Variants in ATP2B4 observed in about 807,000 individuals in gnomAD.
ATP2B4 encodes the protein plasma membrane calcium-transporting ATPase 4.
In ATP2B4, 39 loss-of-function variants were observed where a neutral mutation model predicts 110.3. The observed-to-expected ratio is 0.35, with a 90% confidence interval of 0.27 to 0.46. The LOEUF is 0.46. Ranked by LOEUF, ATP2B4 falls within the 20% of genes least tolerant of loss-of-function variation. The pLI is 1.00. For missense variants in ATP2B4, 1,135 were observed against 1,530.9 expected (o/e 0.74, Z 4.32); for synonymous variants, 538 against 571.7 (o/e 0.94, Z 0.84).
intron 1 of ATP2B4, among the ~76,000 whole-genome samples, chr1:203,667,351 A>G (rs16852017): frequency 0.036 from 5,538 of 152,286 alleles, 201 homozygotes; most frequent in East Asian, 0.18. Flanking sequence ...CAAGTACATT[A>G]GCAAAGGAGC....
At position 203,720,827 on chromosome 1, in the gene ATP2B4, G is replaced by C. The variant is rs1472435853; in HGVS notation, c.2598+87G>C. 2.1e-6 allele frequency: 3 copies of C among 1,423,872 alleles called. 1 individual carries two copies. The highest frequency in any genetic ancestry group is 4.7e-4 in the Middle Eastern group (2 of 4,246). The allele number at this position is 1,423,872 out of a possible 1,614,324, so 88.2% of individuals were successfully genotyped here. A position where few individuals can be genotyped will look rare whatever the true frequency, so the allele number is the denominator to read the frequency against. ...TGAAGACTACGGTGTGTTTACTGAA[G>C]AGTAAAGACAGCGTTTCCCCATGAC... On this transcript the variant is annotated intron_variant, in intron 16 of 20. Transcript: ENST00000357681.
intron 1 of ATP2B4, among the ~76,000 whole-genome samples, chr1:203,669,539 C>T (rs770321221): frequency 2.1e-4 from 32 of 152,228 alleles, no homozygotes; most frequent in Middle Eastern, 3.4e-3. Flanking sequence ...CAGGTTCAAG[C>T]GATTCTCCTA....
At chr1:203,672,574 C>T (rs913254073) in intron 1 of ATP2B4, among the ~76,000 whole-genome samples, 125 of 152,066 alleles carry the variant, frequency 8.2e-4, no homozygotes, top group African/African-American at 2.8e-3. Flanking sequence ...AGTGGGCAGG[C>T]GCTCCCTGAG....
At position 203,722,494 on chromosome 1, in the gene ATP2B4, T is replaced by C. The variant is rs1185124007; in HGVS notation, c.2829T>C (p.Asp943=). 9.3e-6 allele frequency: 15 copies of C among 1,613,616 alleles called. No individual in the cohort carries two copies. Among genetic ancestry groups the C allele is most frequent in the Non-Finnish European group, 1.3e-5 (15 of 1,179,614 alleles). The part of the protein sequence containing the change: ...ILVFAGEKFF[D]IDSGRKAPLH... ...CCCCACTAGGTGAGAAATTCTTTGATATTGATAGTGGGAGGAAGGCACCTC... is the reference window on the plus strand; with the variant it reads ...CCCCACTAGGTGAGAAATTCTTTGACATTGATAGTGGGAGGAAGGCACCTC... The change falls in exon 18 of 21, where the codon GAT becomes GAC. Residue 943 remains aspartate, a synonymous_variant. Coordinates refer to ENST00000357681, the MANE Select transcript of ATP2B4 (RefSeq NM_001684.5).
At chr1:203,656,986 T>C in intron 1 of ATP2B4, 2 of 728,198 alleles carry the variant, frequency 2.7e-6, no homozygotes, top group South Asian at 1.4e-5. Flanking sequence ...TAAGACTGCA[T>C]TTATGCAGCC....
At chr1:203,678,497 A>G (rs1309986184) in intron 1 of ATP2B4, among the ~76,000 whole-genome samples, 10 of 144,122 alleles carry the variant, frequency 6.9e-5, no homozygotes, top group African/African-American at 2.3e-4. Context: ...TCCACCTCCC[A>G]GGCTCAAATG....
chr1:203,688,540 G>A lies in ATP2B4; in HGVS notation c.193+5142G>A, dbSNP rs188976778. Among the ~76,000 whole-genome samples, 103 of 151,940 alleles carry A rather than the reference G, an allele frequency of 6.8e-4. 1 individual carries two copies. The East Asian group carries it at 0.015, about 23-fold the overall frequency. ...TGGTCCTGAACTCCTGGCCTCAAGC[G>A]ATCTGCCCACCTTGGCCCCCCAAAG... On this transcript the variant is annotated intron_variant, in intron 2 of 20. Transcript: ENST00000357681.
intron 1 of ATP2B4, among the ~76,000 whole-genome samples, chr1:203,669,498 G>A (rs4951335): frequency 0.19 from 29,505 of 151,976 alleles, 3,943 homozygotes; most frequent in African/African-American, 0.36. Flanking sequence ...GTGCGATGGC[G>A]TGATCTCGGC....
At chr1:203,721,996 A>C (rs185967305) in intron 17 of ATP2B4, among the ~76,000 whole-genome samples, 94 of 152,126 alleles carry the variant, frequency 6.2e-4, no homozygotes, top group African/African-American at 2.2e-3. Flanking sequence ...AATTAACCTC[A>C]GGTCCCATAA....
At chr1:203,679,787 C>G (rs777438584) in intron 1 of ATP2B4, among the ~76,000 whole-genome samples, 3 of 152,068 alleles carry the variant, frequency 2.0e-5, no homozygotes, top group African/African-American at 4.8e-5. Context: ...GAGACTGAGG[C>G]AGGAGAATCA....
At chr1:203,697,023 T>C (rs752352829) in intron 2 of ATP2B4, among the ~76,000 whole-genome samples, 5 of 152,172 alleles carry the variant, frequency 3.3e-5, no homozygotes, top group Non-Finnish European at 5.9e-5. Flanking sequence ...GGCCCCACCT[T>C]TCTTGTTCTC....
chr1:203,730,556 T>C (rs908646012), intron 20 of ATP2B4, among the ~76,000 whole-genome samples: 1 of 152,214 alleles, frequency 6.6e-6, no homozygotes, highest in Non-Finnish European at 1.5e-5. Context: ...CCACTTCTAC[T>C]ATGTGATTTC....
Position 203,723,452 on chromosome 1 carries a change from CTCTCT to C in ATP2B4, c.3025-428_3025-424del, listed in dbSNP as rs1368571014. Reference sequence around the variant, plus strand: ...TCTCTCTCTCTCTCTCTCTCTCTCTCTCTCTCTCCCTCTGCCTCTCTCTCTCTCTC... The same window carrying C: ...TCTCTCTCTCTCTCTCTCTCTCTCTCCTCCCTCTGCCTCTCTCTCTCTCTC... On this transcript the variant is annotated intron_variant, in intron 18 of 20. Transcript: ENST00000357681. Among the ~76,000 whole-genome samples the C allele has an allele frequency of 7.5e-4, 104 of 138,654 alleles. 2 individuals are homozygous for C. The highest frequency in any genetic ancestry group is 2.7e-3 in the African/African-American group (98 of 35,890). The allele number at this position is 138,654 out of a possible 152,430, so 91.0% of individuals were successfully genotyped here. A position where few individuals can be genotyped will look rare whatever the true frequency, so the allele number is the denominator to read the frequency against.
chr1:203,709,257 C>T (rs1470486832), intron 10 of ATP2B4, 44 bp from the exon 11 acceptor site: 1 of 1,608,692 alleles, frequency 6.2e-7, no homozygotes, highest in Non-Finnish European at 8.5e-7. Flanking sequence ...TCTGCCTTGT[C>T]AAGGCATCTT....
At chr1:203,724,523 A>C (rs1464215411) in intron 19 of ATP2B4, among the ~76,000 whole-genome samples, 2 of 149,616 alleles carry the variant, frequency 1.3e-5, no homozygotes, top group African/African-American at 4.9e-5. Flanking sequence ...TGTCAAAAAG[A>C]AAAAAAAAAG....
intron 19 of ATP2B4, among the ~76,000 whole-genome samples, chr1:203,726,902 T>A (rs1301616876): frequency 6.6e-6 from 1 of 152,200 alleles, no homozygotes; most frequent in Non-Finnish European, 1.5e-5. Context: ...GAAACTACTT[T>A]GCATGTGGCA....
intron 1 of ATP2B4, among the ~76,000 whole-genome samples, chr1:203,675,901 C>G (rs992137253): frequency 6.6e-6 from 1 of 152,220 alleles, no homozygotes; most frequent in Admixed American, 6.5e-5. Flanking sequence ...GACTAGCAAC[C>G]TGGAAGGACT....
chr1:203,687,449 C>A (rs1558034237), intron 2 of ATP2B4, among the ~76,000 whole-genome samples: 1 of 152,146 alleles, frequency 6.6e-6, no homozygotes, highest in Non-Finnish European at 1.5e-5. Context: ...TCATGGAAGG[C>A]CACACAGCCT....
Position 203,720,694 on chromosome 1 carries a change from A to G in ATP2B4, c.2552A>G (p.Asn851Ser), listed in dbSNP as rs370840675. ...SKFLQFQLTV[N>S]VVAVIVAFTG... ...TTCCTGCAGTTCCAGCTCACTGTCA[A>G]TGTGGTGGCCGTGATTGTAGCCTTC... Residue 851 changes from asparagine (N) to serine (S), a missense_variant, in exon 16 of 21, where the codon AAT becomes AGT. By Grantham distance (46) the Asn-to-Ser change is conservative. Coordinates refer to ENST00000357681, the MANE Select transcript of ATP2B4 (RefSeq NM_001684.5). The G allele has an allele frequency of 1.5e-5, 25 of 1,613,818 alleles. No individual in the cohort carries two copies. The highest frequency in any genetic ancestry group is 1.7e-5 in the Admixed American group (1 of 59,984).
Sources: gnomAD v4.1 joint callset for allele counts (sites outside exome capture counted in the v4.1 genomes callset) on GRCh38, gnomAD v4.1.1 for gene constraint, MANE v1.5 for transcripts, NCBI Gene and HGNC (gene_info 2026-07-23, HGNC 2026-07-21) for gene names.